Variants in SLC37A2 observed in about 807,000 individuals in gnomAD.
SLC37A2 encodes the protein glucose-6-phosphate exchanger SLC37A2.
SLC37A2 carries 59 observed loss-of-function variants against 70.7 expected under a neutral mutation model. The observed-to-expected ratio is 0.83, with a 90% CI of 0.68 to 1.04. SLC37A2 has a LOEUF of 1.04. Ranked by LOEUF, SLC37A2 falls within the 50% of genes least tolerant of loss-of-function variation. The probability of loss-of-function intolerance (pLI) is 0.00; values close to 1 mark genes in which losing one functional copy is unlikely to be tolerated. For synonymous variants in SLC37A2, 257 were observed against 262.1 expected (o/e 0.98, Z 0.19); for missense variants, 580 against 658.1 (o/e 0.88, Z 1.30).
chr11:125,081,565 C>A, intron 8 of SLC37A2, 107 bp downstream of exon 8: 1 of 1,433,076 alleles, frequency 7.0e-7, no homozygotes, highest in Non-Finnish European at 9.4e-7. Context: ...CCCTCACTGA[C>A]CTCACCGACC....
intron 2 of SLC37A2, 85 bp downstream of exon 2, chr11:125,076,923 C>A (rs1388720851): frequency 3.0e-6 from 4 of 1,313,652 alleles, no homozygotes; most frequent in Non-Finnish European, 2.2e-6. Flanking sequence ...CGAGGTTGCA[C>A]CTTCACCTGG....
chr11:125,085,737 C>G, intron 16 of SLC37A2, 63 bp downstream of exon 16: 3 of 1,563,216 alleles, frequency 1.9e-6, no homozygotes, highest in Non-Finnish European at 2.6e-6. Context: ...GACTGGAACC[C>G]TGGAGGTCCA....
At chr11:125,085,162 G>A (rs760073978) in intron 14 of SLC37A2, 23 bp downstream of exon 14, 1 of 1,610,280 alleles carries the variant, frequency 6.2e-7, no homozygotes, top group Non-Finnish European at 8.5e-7. Context: ...ACCTCCCGAG[G>A]GCCAGGGACC....
chr11:125,065,918 G>A (rs1948975319), intron 1 of SLC37A2, among the ~76,000 whole-genome samples: 1 of 152,166 alleles, frequency 6.6e-6, no homozygotes, highest in Non-Finnish European at 1.5e-5. Context: ...GTTCTTATGG[G>A]TTAATATAGC....
intron 2 of SLC37A2, 58 bp from the exon 3 acceptor site, chr11:125,077,172 T>C: frequency 7.5e-7 from 1 of 1,325,618 alleles, no homozygotes; most frequent in Non-Finnish European, 1.0e-6. Flanking sequence ...TTGGGGCAGG[T>C]GGTTGCTTGC....
chr11:125,063,522 C>G lies in SLC37A2; in HGVS notation c.59+96C>G. On this transcript the variant is annotated intron_variant, in intron 1 of 17. Transcript: ENST00000403796. The surrounding 1 kb of genome is among the most constrained non-coding windows in gnomAD (Gnocchi z 5.4). Reference sequence around the variant, plus strand: ...CTCGGAGATCACCCCAGATCGGCCCCGGCGTCGCCGCGTGGCCAGGGGTGC... The same window carrying G: ...CTCGGAGATCACCCCAGATCGGCCCGGGCGTCGCCGCGTGGCCAGGGGTGC... 8.4e-7 allele frequency: 1 copy of G among 1,184,006 alleles called. No homozygotes were observed. The highest frequency in any genetic ancestry group is 1.2e-6 in the Non-Finnish European group (1 of 845,672). The allele number at this position is 1,184,006 out of a possible 1,614,324, so 73.3% of individuals were successfully genotyped here.
Position 125,083,780 on chromosome 11 carries a change from C to T in SLC37A2, c.977-35C>T, listed in dbSNP as rs867021035. The T allele has an allele frequency of 1.9e-6, 3 of 1,597,932 alleles. No homozygotes were observed. The highest frequency in any genetic ancestry group is 3.3e-4 in the Middle Eastern group (2 of 6,032). On this transcript the variant is annotated intron_variant, in intron 10 of 17. Coordinates refer to ENST00000403796, the MANE Select transcript of SLC37A2 (RefSeq NM_001145290.2). The surrounding 1 kb of genome is among the most constrained non-coding windows in gnomAD (Gnocchi z 4.6). ...GACACTCCAGGATGTTTGCCCCAAA[C>T]CCCAGGTCTGACCACATACCTGTAT... is the stretch of plus-strand genomic sequence containing the variant.
intron 4 of SLC37A2, among the ~76,000 whole-genome samples, chr11:125,078,600 G>T (rs1949114238): frequency 6.6e-6 from 1 of 152,194 alleles, no homozygotes. Flanking sequence ...TGCCCAAGGG[G>T]TGGCATTCAC....
intron 1 of SLC37A2, among the ~76,000 whole-genome samples, chr11:125,073,387 C>T (rs1235511321): frequency 6.6e-6 from 1 of 152,226 alleles, no homozygotes; most frequent in Non-Finnish European, 1.5e-5. Flanking sequence ...GCAGCCACAT[C>T]TCTACCTTCC....
chr11:125,071,365 C>G (rs776757494), intron 1 of SLC37A2, among the ~76,000 whole-genome samples: 3 of 152,208 alleles, frequency 2.0e-5, no homozygotes, highest in Non-Finnish European at 2.9e-5. Flanking sequence ...CACCAACACT[C>G]CCACCCTCCC....
rs150748745 is a variant in SLC37A2, at chr11:125,078,177, T to C, written c.314+649T>C. ...GGGCAGAAGGAATAGCACGAGCAAGTAGGGCAAATGTGAAGAAACAGCATG... is the reference window on the plus strand; with the variant it reads ...GGGCAGAAGGAATAGCACGAGCAAGCAGGGCAAATGTGAAGAAACAGCATG... On this transcript the variant is annotated intron_variant, in intron 4 of 17. Transcript: ENST00000403796. Among the ~76,000 whole-genome samples the C allele has an allele frequency of 3.1e-3, 472 of 152,154 alleles. 1 individual carries two copies. The highest frequency in any genetic ancestry group is 0.011 in the African/African-American group (448 of 41,502).
In SLC37A2 at chr11:125,077,252, C is replaced by T. The variant is rs201652722; in HGVS notation, c.164C>T (p.Ser55Leu). Residue 55 changes from serine to leucine, a missense_variant, in exon 3 of 18, where the codon TCG becomes TTG. Physicochemically the swap from Ser to Leu is moderately radical, Grantham distance 145. Transcript: ENST00000403796. ...CAGAGCCGTCTGCACCAGAACTGCT[C>T]GGAGCAGATCAAACCCATCAATGAT... ...IVKSRLHQNC[S>L]EQIKPINDTH... The T allele has an allele frequency of 1.3e-5, 21 of 1,603,048 alleles. No homozygotes were observed. The highest frequency in any genetic ancestry group is 1.7e-5 in the Non-Finnish European group (20 of 1,174,676).
At position 125,088,142 on chromosome 11, in the gene SLC37A2, A is replaced by G. The variant is rs1383929509; in HGVS notation, c.*8A>G. On this transcript the variant is annotated 3_prime_UTR_variant, in exon 18 of 18. Coordinates refer to ENST00000403796, the MANE Select transcript of SLC37A2 (RefSeq NM_001145290.2). ...AGGTATAAAGAAATATGAGGCCCCA[A>G]TTGGAACAGCAGCATGGAGGGTCCC... The G allele has an allele frequency of 1.0e-5, 16 of 1,551,754 alleles. No individual in the cohort carries two copies. The highest frequency in any genetic ancestry group is 2.4e-5 in the East Asian group (1 of 40,846).
chr11:125,072,666 A>C (rs1949041252), intron 1 of SLC37A2, among the ~76,000 whole-genome samples: 2 of 152,198 alleles, frequency 1.3e-5, no homozygotes, highest in Admixed American at 1.3e-4. Context: ...GGTTCTAAAC[A>C]TGGAAGGAGT....
chr11:125,078,833 C>T (rs147867302), intron 4 of SLC37A2, among the ~76,000 whole-genome samples: 267 of 151,872 alleles, frequency 1.8e-3, no homozygotes, highest in Non-Finnish European at 2.6e-3. Context: ...GTGGTTGTGG[C>T]AATGGTGAAA....
chr11:125,065,305 C>T (rs899040727), intron 1 of SLC37A2, among the ~76,000 whole-genome samples: 1 of 152,180 alleles, frequency 6.6e-6, no homozygotes, highest in Non-Finnish European at 1.5e-5. Flanking sequence ...TTGGATTTGA[C>T]TTGATTGTGG....
At position 125,079,743 on chromosome 11, in the gene SLC37A2, C is replaced by T. The variant is rs551207417; in HGVS notation, c.510C>T (p.Asn170=). 1.9e-6 allele frequency: 3 copies of T among 1,609,980 alleles called. No homozygotes were observed. Among genetic ancestry groups the T allele is most frequent in the Admixed American group, 3.4e-5 (2 of 59,524 alleles). ...CCTCTGTGGTGACCTGTGTTGGCAACTGGTTCGGGAAGGGGAAGTGAGTGT... is the reference window on the plus strand; with the variant it reads ...CCTCTGTGGTGACCTGTGTTGGCAATTGGTTCGGGAAGGGGAAGTGAGTGT... ...GWPSVVTCVG[N]WFGKGKRGFI... Residue 170 remains asparagine, a synonymous_variant, in exon 6 of 18, where the codon AAC becomes AAT. Transcript: ENST00000403796.
chr11:125,081,358 A>G lies in SLC37A2; in HGVS notation c.695-63A>G, dbSNP rs1401379851. On this transcript the variant is annotated intron_variant, in intron 7 of 17. Transcript: ENST00000403796. ...TCCAGTGCAAGGTGAGGGCCTGGCAATCACCTCGGGATTGGGGGGGCGGGG... is the reference window on the plus strand; with the variant it reads ...TCCAGTGCAAGGTGAGGGCCTGGCAGTCACCTCGGGATTGGGGGGGCGGGG... The G allele has an allele frequency of 5.9e-6, 9 of 1,514,354 alleles. No homozygotes were observed. The Admixed American group carries it at 1.5e-4, about 25-fold the overall frequency. 93.8% of individuals were successfully genotyped at this position (1,514,354 alleles called of 1,614,324 possible).
chr11:125,069,309 G>A (rs1159054035), intron 1 of SLC37A2, among the ~76,000 whole-genome samples: 1 of 152,224 alleles, frequency 6.6e-6, no homozygotes, highest in Non-Finnish European at 1.5e-5. Context: ...AGTCTGACTC[G>A]TAAGCCCATG....
Sources: allele counts gnomAD v4.1 joint callset (sites outside exome capture counted in the v4.1 genomes callset), GRCh38; gene constraint gnomAD v4.1.1; non-coding constraint Gnocchi (gnomAD v3.1); transcripts MANE v1.5; gene names NCBI Gene and HGNC (gene_info 2026-07-23, HGNC 2026-07-21).